CDH23: variants seen among roughly 807,000 people sequenced by gnomAD.
CDH23 encodes cadherin related 23.
A neutral mutation model predicts 317.1 loss-of-function variants in CDH23; 189 were observed. That is an observed-to-expected ratio of 0.60 (90% CI 0.53 to 0.67). The LOEUF is 0.67. CDH23 is among the 30% of genes least tolerant of loss of function. The pLI is 0.00. For synonymous variants in CDH23, 1,839 were observed against 1,876.8 expected, an observed-to-expected ratio of 0.98 and a Z score of 0.52; for missense variants, 4,401 against 4,592.4, an observed-to-expected ratio of 0.96 and a Z score of 1.20.
chr10:71,464,807 A>C (rs551343472), intron 3 of CDH23, among the ~76,000 whole-genome samples: 168 of 152,214 alleles, frequency 1.1e-3, no homozygotes, highest in Non-Finnish European at 3.2e-4. Flanking sequence ...TACTAATGAC[A>C]GGAAAGTAAG....
chr10:71,524,428 G>A (rs578138601), intron 6 of CDH23, among the ~76,000 whole-genome samples: 1 of 152,210 alleles, frequency 6.6e-6, no homozygotes, highest in Non-Finnish European at 1.5e-5. Flanking sequence ...CGAGCTCCCT[G>A]CCAGGCCGTG....
intron 6 of CDH23, among the ~76,000 whole-genome samples, chr10:71,547,945 C>T (rs531047778): frequency 2.0e-5 from 3 of 152,168 alleles, no homozygotes; most frequent in Admixed American, 1.3e-4. Context: ...TGACTCCAGC[C>T]GGGAACAGGA....
intron 9 of CDH23, among the ~76,000 whole-genome samples, chr10:71,606,044 G>T (rs547443194): frequency 6.6e-6 from 1 of 152,334 alleles, no homozygotes; most frequent in South Asian, 2.1e-4. Flanking sequence ...TGCTGTGGGT[G>T]GAAGAGTGTG....
chr10:71,810,435 GT>G, intron 61 of CDH23, 36 bp from the exon 62 acceptor site: 1 of 1,584,346 alleles, frequency 6.3e-7, no homozygotes, highest in Non-Finnish European at 8.7e-7. Flanking sequence ...GCCCCCTGCT[GT>G]GGTGGCCACA....
chr10:71,705,060 C>T lies in CDH23; in HGVS notation c.2883C>T (p.Tyr961=). Residue 961 remains tyrosine (Y), a synonymous_variant, in exon 25 of 70, where the codon TAC becomes TAT. Transcript: ENST00000224721. Reference sequence around the variant, plus strand: ...TGGACCGCGAGCGCATCGCGGAGTACCAGCTGCGGGTGGTGGCCAGTGATG... The same window carrying T: ...TGGACCGCGAGCGCATCGCGGAGTATCAGCTGCGGGTGGTGGCCAGTGATG... ...TELDRERIAE[Y]QLRVVASDAG... The T allele has an allele frequency of 2.5e-6, 4 of 1,612,532 alleles. No individual in the cohort carries two copies. In the Middle Eastern group the frequency reaches 5.0e-4, roughly 200 times the overall value.
chr10:71,400,164 C>A (rs1847715215), intron 1 of CDH23, among the ~76,000 whole-genome samples: 1 of 152,186 alleles, frequency 6.6e-6, no homozygotes, highest in Admixed American at 6.5e-5. Flanking sequence ...GATGCCGAGG[C>A]ATGGTGGCAA....
In CDH23 at chr10:71,454,840, A is replaced by AT. The variant is rs1218063298; in HGVS notation, c.145+8449dup. On this transcript the variant is annotated intron_variant, in intron 3 of 69. Transcript: ENST00000224721. ...TAAATACATACTATATTTTTTTTACATTTTATTTTTTTTTTTTTTTAGAAA... is the reference window on the plus strand; with the variant it reads ...TAAATACATACTATATTTTTTTTACATTTTTATTTTTTTTTTTTTTTAGAAA... 1.6e-3 allele frequency among the ~76,000 whole-genome samples: 159 copies of AT among 98,716 alleles called. 1 individual carries two copies. The highest frequency in any genetic ancestry group is 6.3e-3 in the African/African-American group (150 of 23,892). 64.8% of individuals were successfully genotyped at this position (98,716 alleles called of 152,430 possible).
In CDH23 at chr10:71,397,772, C is replaced by T. The variant is rs115230076; in HGVS notation, c.-6+454C>T. Among the ~76,000 whole-genome samples, 7 of 152,038 alleles carry T rather than the reference C, an allele frequency of 4.6e-5. No individual in the cohort carries two copies. Among genetic ancestry groups the T allele is most frequent in the African/African-American group, 1.7e-4 (7 of 41,484 alleles). On this transcript the variant is annotated intron_variant, in intron 1 of 69. Transcript: ENST00000224721. This position sits in a 1 kb window ranked among gnomAD's most constrained non-coding sequence, Gnocchi z 4.8. Reference sequence around the variant, plus strand: ...ACAGTGGGGATGGGGTGGGGCGCACCCCTACTGCGGGCTGGGCAGAGGCGC... The same window carrying T: ...ACAGTGGGGATGGGGTGGGGCGCACTCCTACTGCGGGCTGGGCAGAGGCGC...
At chr10:71,430,803 GA>G (rs915698072) in intron 1 of CDH23, among the ~76,000 whole-genome samples, 1 of 151,376 alleles carries the variant, frequency 6.6e-6, no homozygotes, top group East Asian at 1.9e-4. Flanking sequence ...CTGGGTGACA[GA>G]AAAAAAACAA....
At chr10:71,652,245 C>T (rs912588427) in intron 14 of CDH23, among the ~76,000 whole-genome samples, 10 of 152,204 alleles carry the variant, frequency 6.6e-5, no homozygotes, top group Admixed American at 2.6e-4. Context: ...CTCCCTGCCC[C>T]CTCTTCCCAG....
chr10:71,499,137 A>T (rs1277406942), intron 3 of CDH23, among the ~76,000 whole-genome samples: 2 of 152,228 alleles, frequency 1.3e-5, no homozygotes, highest in Admixed American at 6.5e-5. Context: ...TGTTAAGTGA[A>T]ATAAGCCAGG....
intron 6 of CDH23, among the ~76,000 whole-genome samples, chr10:71,553,546 A>G (rs1198391527): frequency 6.6e-6 from 1 of 152,132 alleles, no homozygotes; most frequent in East Asian, 1.9e-4. Flanking sequence ...CTCCTTCAGA[A>G]TGTACACTCA....
intron 6 of CDH23, among the ~76,000 whole-genome samples, chr10:71,545,652 G>C (rs1179649518): frequency 6.6e-6 from 1 of 152,160 alleles, no homozygotes; most frequent in African/African-American, 2.4e-5. Flanking sequence ...AAAACTGATG[G>C]AGTCCCTGCT....
In CDH23 at chr10:71,812,007, CT is replaced by C. The variant is rs1564808313; in HGVS notation, c.9375del (p.Phe3125LeufsTer32). On this transcript the variant is annotated frameshift_variant, in exon 66 of 70. Coordinates refer to ENST00000224721, the MANE Select transcript of CDH23 (RefSeq NM_022124.6). LOFTEE classifies it high-confidence loss of function. ...MDMPNTNKYS[F>X]DGANPVWLDP... ...ACATGCCTAACACCAACAAGTACTC[CT>C]TTGATGGGTGAGTGGGGTACTGGCC... The C allele has an allele frequency of 6.2e-7, 1 of 1,613,982 alleles. No homozygotes were observed.
At chr10:71,789,990 C>T (rs544216792) in intron 45 of CDH23, among the ~76,000 whole-genome samples, 2 of 152,264 alleles carry the variant, frequency 1.3e-5, no homozygotes, top group Non-Finnish European at 2.9e-5. Flanking sequence ...CCAGACCCTC[C>T]CGAGGAGCGG....
At chr10:71,692,586 C>A (rs1196525791) in intron 20 of CDH23, among the ~76,000 whole-genome samples, 1 of 152,178 alleles carries the variant, frequency 6.6e-6, no homozygotes, top group Admixed American at 6.5e-5. Flanking sequence ...GTTGGGCAGA[C>A]CTTTGTGAGT....
chr10:71,684,699 C>T (rs1202791612), intron 18 of CDH23, among the ~76,000 whole-genome samples: 4 of 152,168 alleles, frequency 2.6e-5, no homozygotes, highest in African/African-American at 7.2e-5. Context: ...TAGCAGCAGC[C>T]GCACCCATGC....
At chr10:71,652,622 G>C (rs1421210409) in intron 14 of CDH23, among the ~76,000 whole-genome samples, 1 of 152,220 alleles carries the variant, frequency 6.6e-6, no homozygotes, top group Non-Finnish European at 1.5e-5. Flanking sequence ...GAGATAACCT[G>C]CTAGGAGCCT....
chr10:71,670,556 G>A (rs928962933), intron 14 of CDH23, among the ~76,000 whole-genome samples: 1 of 152,130 alleles, frequency 6.6e-6, no homozygotes, highest in South Asian at 2.1e-4. Context: ...GATGGGCCTG[G>A]GGGGTGGATC....
Sources: allele counts gnomAD v4.1 joint callset (sites outside exome capture counted in the v4.1 genomes callset), GRCh38; gene constraint gnomAD v4.1.1; non-coding constraint Gnocchi (gnomAD v3.1); transcripts MANE v1.5; gene names NCBI Gene and HGNC (gene_info 2026-07-23, HGNC 2026-07-21).